The following PDE10A variants were observed in gnomAD, a reference collection of about 807,000 sequenced individuals.
The protein encoded by PDE10A is cAMP and cAMP-inhibited cGMP 3',5'-cyclic phosphodiesterase 10A.
PDE10A carries 39 observed loss-of-function variants against 97.7 expected under a neutral mutation model. The ratio of observed to expected loss-of-function variants is 0.40; its 90% CI spans 0.31 to 0.52. The LOEUF (loss-of-function observed/expected upper bound fraction) is 0.52. PDE10A is among the 20% of genes least tolerant of loss of function. The pLI is 0.56. For missense variants in PDE10A, 731 were observed against 1,047.8 expected (o/e 0.70, Z 4.17); for synonymous variants, 371 against 376.8 (o/e 0.98, Z 0.18).
At chr6:165,443,592 G>T (rs188163430) in intron 5 of PDE10A, among the ~76,000 whole-genome samples, 2 of 152,352 alleles carry the variant, frequency 1.3e-5, no homozygotes, top group East Asian at 3.9e-4. Flanking sequence ...CAGTACCCCA[G>T]TGGGGACTCT....
At chr6:165,791,608 A>G (rs972354397) in intron 1 of PDE10A, among the ~76,000 whole-genome samples, 6 of 152,134 alleles carry the variant, frequency 3.9e-5, no homozygotes, top group Non-Finnish European at 8.8e-5. Context: ...TGATGTCACA[A>G]GCTGCCCCCT....
chr6:165,739,674 G>A (rs1226234438), intron 1 of PDE10A, among the ~76,000 whole-genome samples: 2 of 152,008 alleles, frequency 1.3e-5, no homozygotes, highest in African/African-American at 4.8e-5. Flanking sequence ...CCTCTGTGTA[G>A]CAAAGGAAGC....
At position 165,662,036 on chromosome 6, in the gene PDE10A, G is replaced by T; in HGVS notation, c.776C>A (p.Ala259Asp). ...QGASFALAAA[A>D]ALLFGSDMED... ...CATGTCGGAGCCGAAGAGCAGCGCG[G>T]CCGCGGCGGCGAGGGCGAAGCTGGC... The change falls in exon 1 of 22, where the codon GCC (alanine) becomes GAC (aspartate). Residue 259 changes from alanine (A) to aspartate (D), a missense_variant. Ala to Asp is a moderately radical substitution (Grantham distance 126). Transcript: ENST00000539869. The T allele has an allele frequency of 6.7e-7, 1 of 1,483,488 alleles. No homozygotes were observed. The highest frequency in any genetic ancestry group is 9.0e-7 in the Non-Finnish European group (1 of 1,110,344). The allele number at this position is 1,483,488 out of a possible 1,614,324, so 91.9% of individuals were successfully genotyped here. A position where few individuals can be genotyped will look rare whatever the true frequency, so the allele number is the denominator to read the frequency against.
chr6:165,419,706 C>A (rs1268867018), intron 10 of PDE10A, among the ~76,000 whole-genome samples: 1 of 152,158 alleles, frequency 6.6e-6, no homozygotes, highest in Non-Finnish European at 1.5e-5. Context: ...ACCATTAATA[C>A]AGTATTTACC....
intron 2 of PDE10A, among the ~76,000 whole-genome samples, chr6:165,488,604 T>G (rs1780052633): frequency 6.6e-6 from 1 of 152,118 alleles, no homozygotes. Flanking sequence ...ACAGACCCTT[T>G]GTAGGAGGTG....
intron 1 of PDE10A, among the ~76,000 whole-genome samples, chr6:165,731,794 A>C (rs540167290): frequency 1.9e-4 from 29 of 152,338 alleles, no homozygotes; most frequent in African/African-American, 6.7e-4. Context: ...AAGTTAGGTC[A>C]GCAGAAATTT....
chr6:165,580,627 T>C (rs1195245017), intron 1 of PDE10A, among the ~76,000 whole-genome samples: 2 of 152,316 alleles, frequency 1.3e-5, no homozygotes, highest in Non-Finnish European at 2.9e-5. Context: ...ACTTATTTAA[T>C]GGACTGAATA....
chr6:165,772,041 G>T (rs1778026035), intron 1 of PDE10A, among the ~76,000 whole-genome samples: 1 of 152,304 alleles, frequency 6.6e-6, no homozygotes, highest in East Asian at 1.9e-4. Flanking sequence ...CTTTTGCTGT[G>T]TTTGAAATGC....
intron 1 of PDE10A, among the ~76,000 whole-genome samples, chr6:165,826,658 G>A (rs1217992311): frequency 1.3e-5 from 2 of 152,088 alleles, no homozygotes; most frequent in Admixed American, 6.5e-5. Flanking sequence ...AGGTACCCCC[G>A]TGTGTCTGAG....
At chr6:165,693,249 G>T (rs1407019667) in intron 1 of PDE10A, among the ~76,000 whole-genome samples, 1 of 152,104 alleles carries the variant, frequency 6.6e-6, no homozygotes, top group Non-Finnish European at 1.5e-5. Flanking sequence ...AGTGCACTGA[G>T]GCCGGGCACG....
At chr6:165,737,570 C>CA (rs1792610082) in intron 1 of PDE10A, among the ~76,000 whole-genome samples, 2 of 152,098 alleles carry the variant, frequency 1.3e-5, no homozygotes, top group Non-Finnish European at 2.9e-5. Flanking sequence ...TCAGTAGATG[C>CA]AAAAAAGCAT....
At chr6:165,458,281 C>T (rs115320371) in intron 3 of PDE10A, among the ~76,000 whole-genome samples, 171 of 152,210 alleles carry the variant, frequency 1.1e-3, no homozygotes, top group African/African-American at 4.0e-3. Context: ...CCTAAAATTC[C>T]TACGCTGAAA....
chr6:165,527,058 T>C (rs1782489722), intron 2 of PDE10A, among the ~76,000 whole-genome samples: 1 of 152,208 alleles, frequency 6.6e-6, no homozygotes, highest in Admixed American at 6.5e-5. Flanking sequence ...GGATGGGAAA[T>C]AAATCCGACT....
At chr6:165,540,732 C>T (rs772317501) in intron 2 of PDE10A, among the ~76,000 whole-genome samples, 7 of 152,128 alleles carry the variant, frequency 4.6e-5, no homozygotes, top group Non-Finnish European at 7.3e-5. Context: ...CAGGTTCACG[C>T]GATTATTGTG....
chr6:165,548,060 T>C (rs1783822865), intron 1 of PDE10A, among the ~76,000 whole-genome samples: 1 of 152,102 alleles, frequency 6.6e-6, no homozygotes, highest in Non-Finnish European at 1.5e-5. Flanking sequence ...ACAGCCAGCT[T>C]CAACCATCAC....
intron 1 of PDE10A, among the ~76,000 whole-genome samples, chr6:165,789,955 G>A (rs1372704939): frequency 1.3e-5 from 2 of 152,148 alleles, no homozygotes; most frequent in African/African-American, 2.4e-5. Context: ...TGGAGAGTGA[G>A]GGAGAGGAAG....
chr6:165,458,052 A>G (rs184554623), intron 3 of PDE10A, among the ~76,000 whole-genome samples: 3 of 152,330 alleles, frequency 2.0e-5, no homozygotes, highest in East Asian at 3.9e-4. Flanking sequence ...ATTTAACAGC[A>G]TAAAAAGGAG....
chr6:165,398,457 C>T (rs1011734803), intron 13 of PDE10A, among the ~76,000 whole-genome samples: 58 of 148,470 alleles, frequency 3.9e-4, no homozygotes, highest in Non-Finnish European at 4.4e-5. Flanking sequence ...TACTACACTT[C>T]AGCCTGGGCG....
chr6:165,943,238 G>A (rs10455966), intron 1 of PDE10A, among the ~76,000 whole-genome samples: 771 of 38,578 alleles, frequency 0.02, 32 homozygotes, highest in African/African-American at 0.047. Context: ...AAAGAAAGAA[G>A]GAAGGAAGGA....
Sources: allele counts gnomAD v4.1 joint callset (sites outside exome capture counted in the v4.1 genomes callset), GRCh38; gene constraint gnomAD v4.1.1; transcripts MANE v1.5; gene names NCBI Gene and HGNC (gene_info 2026-07-23, HGNC 2026-07-21).